The following PTPRD variants were observed in gnomAD, a reference collection of about 807,000 sequenced individuals.
PTPRD encodes the protein receptor-type tyrosine-protein phosphatase delta.
In PTPRD, 34 loss-of-function variants were observed where a neutral mutation model predicts 214.5. That is an observed-to-expected ratio of 0.16 (90% confidence interval 0.12 to 0.21). The LOEUF is 0.21. Ranked by LOEUF, PTPRD falls within the 10% of genes least tolerant of loss-of-function variation. The pLI is 1.00. For synonymous variants in PTPRD, 1,128 were observed against 845.7 expected, an observed-to-expected ratio of 1.33 and a Z score of -5.79; for missense variants, 2,545 against 2,398.7, an observed-to-expected ratio of 1.06 and a Z score of -1.27.
intron 8 of PTPRD, among the ~76,000 whole-genome samples, chr9:9,507,080 T>G (rs1222409215): frequency 6.6e-6 from 1 of 151,308 alleles, no homozygotes; most frequent in African/African-American, 2.4e-5. Context: ...CAAATTATGT[T>G]CCTGCCAGAA....
At chr9:10,283,500 T>G (rs796409498) in intron 3 of PTPRD, among the ~76,000 whole-genome samples, 7 of 152,336 alleles carry the variant, frequency 4.6e-5, no homozygotes, top group African/African-American at 1.7e-4. Flanking sequence ...TATTTGCACT[T>G]ATTTAGTTAT....
At chr9:8,333,597 A>AACAT (rs921132240) in intron 43 of PTPRD, among the ~76,000 whole-genome samples, 8 of 152,226 alleles carry the variant, frequency 5.3e-5, no homozygotes, top group African/African-American at 1.9e-4. Context: ...CCACTGCAAA[A>AACAT]ACATACCAAA....
chr9:9,534,997 C>G (rs1442235386), intron 8 of PTPRD, among the ~76,000 whole-genome samples: 3 of 152,022 alleles, frequency 2.0e-5, no homozygotes, highest in Non-Finnish European at 4.4e-5. Context: ...ATTTTACAGA[C>G]TAAATGTAGA....
intron 10 of PTPRD, among the ~76,000 whole-genome samples, chr9:9,019,387 G>A (rs1480606604): frequency 1.3e-5 from 2 of 151,030 alleles, no homozygotes; most frequent in Non-Finnish European, 3.0e-5. Context: ...TTAGGCTGAG[G>A]GCTTATTAAA....
At chr9:10,374,131 G>A (rs565201391) in intron 2 of PTPRD, among the ~76,000 whole-genome samples, 7 of 151,976 alleles carry the variant, frequency 4.6e-5, no homozygotes, top group Non-Finnish European at 7.4e-5. Flanking sequence ...GCCCTTTTGA[G>A]GGTCCTCTTT....
chr9:9,916,570 C>T (rs1228557961), intron 5 of PTPRD, among the ~76,000 whole-genome samples: 1 of 151,564 alleles, frequency 6.6e-6, no homozygotes, highest in Non-Finnish European at 1.5e-5. Flanking sequence ...TATATGTTGC[C>T]TACAAGAACC....
rs551897127 is a variant in PTPRD, at chr9:8,389,024, T to G, written c.4386+208A>C. Among the ~76,000 whole-genome samples, 11 of 145,170 alleles carry G rather than the reference T, an allele frequency of 7.6e-5. No individual in the cohort carries two copies. The South Asian group carries it at 1.8e-3, about 24-fold the overall frequency. ...TTTTACTTTTTAGCAACCACACACA[T>G]CATAACATGGGAGAATTTCTTTTGT... is the stretch of plus-strand genomic sequence containing the variant. On this transcript the variant is annotated intron_variant, in intron 37 of 45. Transcript: ENST00000381196.
At chr9:10,274,308 A>T (rs2094565691) in intron 3 of PTPRD, among the ~76,000 whole-genome samples, 2 of 152,150 alleles carry the variant, frequency 1.3e-5, no homozygotes, top group Admixed American at 1.3e-4. Flanking sequence ...ATTCCTTCTG[A>T]GGACAAGGGT....
intron 10 of PTPRD, among the ~76,000 whole-genome samples, chr9:9,072,504 A>C (rs2099745227): frequency 6.6e-6 from 1 of 152,190 alleles, no homozygotes; most frequent in African/African-American, 2.4e-5. Context: ...TTTCAAGATT[A>C]AGATGCTTTT....
chr9:8,331,177 A>ATTAGGATTTATTTGATAGCTATT (rs1463917219), intron 44 of PTPRD, among the ~76,000 whole-genome samples: 1 of 152,182 alleles, frequency 6.6e-6, no homozygotes, highest in African/African-American at 2.4e-5. Flanking sequence ...TAATATTGTC[A>ATTAGGATTTATTTGATAGCTATT]TTAGGATTTA....
At chr9:9,901,657 G>C (rs7846872) in intron 5 of PTPRD, among the ~76,000 whole-genome samples, 44,998 of 152,004 alleles carry the variant, frequency 0.3, 8,405 homozygotes, top group East Asian at 0.57. Context: ...GTGGTGAGTT[G>C]ATTATATTAG....
chr9:10,417,746 A>G (rs2154514500), intron 2 of PTPRD, among the ~76,000 whole-genome samples: 1 of 152,002 alleles, frequency 6.6e-6, no homozygotes, highest in African/African-American at 2.4e-5. Context: ...AGAATACATG[A>G]GAAAACTGGG....
At chr9:9,558,519 C>G (rs2154290205) in intron 8 of PTPRD, among the ~76,000 whole-genome samples, 1 of 152,256 alleles carries the variant, frequency 6.6e-6, no homozygotes, top group African/African-American at 2.4e-5. Flanking sequence ...GATACATAGA[C>G]AGGCTTGACC....
chr9:9,280,210 A>G lies in PTPRD; in HGVS notation c.-202-96847T>C, dbSNP rs1431709627. ...ATGAATAAGGCTGAGACTTAAGTGGAGAATCCATATTGTGAAGGCATGTAC... is the reference window on the plus strand; with the variant it reads ...ATGAATAAGGCTGAGACTTAAGTGGGGAATCCATATTGTGAAGGCATGTAC... On this transcript the variant is annotated intron_variant, in intron 9 of 45. Coordinates refer to ENST00000381196, the MANE Select transcript of PTPRD (RefSeq NM_002839.4). Among the ~76,000 whole-genome samples the G allele has an allele frequency of 2.0e-5, 3 of 151,306 alleles. No individual in the cohort carries two copies. The East Asian group carries it at 5.9e-4, about 30-fold the overall frequency.
chr9:9,841,459 C>T (rs549580857), intron 5 of PTPRD, among the ~76,000 whole-genome samples: 18 of 152,040 alleles, frequency 1.2e-4, no homozygotes, highest in African/African-American at 3.9e-4. Context: ...TGAGATAATC[C>T]ATGAAGAAAA....
intron 3 of PTPRD, among the ~76,000 whole-genome samples, chr9:10,182,492 A>G (rs1350879866): frequency 6.6e-6 from 1 of 152,024 alleles, no homozygotes; most frequent in Non-Finnish European, 1.5e-5. Flanking sequence ...CATAATAACA[A>G]CAACAGATGC....
chr9:10,443,613 AT>A (rs990541041), intron 2 of PTPRD, among the ~76,000 whole-genome samples: 3 of 151,578 alleles, frequency 2.0e-5, no homozygotes, highest in East Asian at 1.9e-4. Flanking sequence ...TGCCTCATAG[AT>A]TTTTTTTCTT....
At chr9:9,070,470 C>T (rs1274957766) in intron 10 of PTPRD, among the ~76,000 whole-genome samples, 1 of 152,106 alleles carries the variant, frequency 6.6e-6, no homozygotes, top group Middle Eastern at 3.2e-3. Flanking sequence ...TCAACTTTAT[C>T]CAAATTTTGA....
intron 30 of PTPRD, among the ~76,000 whole-genome samples, chr9:8,480,211 C>T (rs1205162149): frequency 1.3e-5 from 2 of 152,114 alleles, no homozygotes; most frequent in Admixed American, 1.3e-4. Flanking sequence ...ACAACAATTG[C>T]TAGTCTTTCT....
Sources: allele counts gnomAD v4.1 joint callset (sites outside exome capture counted in the v4.1 genomes callset), GRCh38; gene constraint gnomAD v4.1.1; transcripts MANE v1.5; gene names NCBI Gene and HGNC (gene_info 2026-07-23, HGNC 2026-07-21).